Variants in PIGQ observed in about 807,000 individuals in gnomAD.
The protein encoded by PIGQ is phosphatidylinositol N-acetylglucosaminyltransferase subunit Q.
Under a neutral mutation model 60.3 loss-of-function variants are expected in PIGQ, and 54 were observed. That is an observed-to-expected ratio of 0.90 (90% CI 0.72 to 1.12). PIGQ has a LOEUF of 1.12. PIGQ is among the 50% of genes most tolerant of loss of function. PIGQ has a pLI of 0.00. For missense variants in PIGQ, 799 were observed against 793.5 expected (o/e 1.01, Z -0.08); for synonymous variants, 416 against 363.7 (o/e 1.14, Z -1.64).
At position 583,844 on chromosome 16, in the gene PIGQ, G is replaced by A; in HGVS notation, c.*809G>A. On this transcript the variant is annotated 3_prime_UTR_variant, in exon 11 of 11. Transcript: ENST00000321878. ...CAGACACCTCTGTGGCCCCCCAGGA[G>A]TGTGAGTGGCCTGGGGAGGGGGCCG... 2 of 642,024 alleles carry A rather than the reference G, an allele frequency of 3.1e-6. No individual in the cohort carries two copies. Among genetic ancestry groups the A allele is most frequent in the Non-Finnish European group, 5.6e-6 (2 of 357,892 alleles). 39.8% of individuals were successfully genotyped at this position (642,024 alleles called of 1,614,324 possible).
chr16:582,381 TA>T, intron 10 of PIGQ, 72 bp downstream of exon 10: 2 of 1,178,204 alleles, frequency 1.7e-6, no homozygotes, highest in Non-Finnish European at 2.4e-6. Context: ...CAGCTGGGTG[TA>T]GTGTCTGGGT....
At chr16:578,100 G>A (rs369882303) in intron 4 of PIGQ, 14 of 355,094 alleles carry the variant, frequency 3.9e-5, no homozygotes, top group African/African-American at 2.1e-4. Context: ...AGGGGAGGAA[G>A]ATGGTAGAGG....
chr16:583,548 A>G lies in PIGQ; in HGVS notation c.*513A>G, dbSNP rs1596389091. The G allele has an allele frequency of 1.9e-6, 3 of 1,611,584 alleles. No individual in the cohort carries two copies. The highest frequency in any genetic ancestry group is 1.7e-4 in the Middle Eastern group (1 of 6,058). ...ATCTGGGGGATTGAAGCAGTCGCTG[A>G]CCCCCGTCCCCAGCGGGCCCGGGCC... On this transcript the variant is annotated 3_prime_UTR_variant, in exon 11 of 11. Transcript: ENST00000321878.
intron 1 of PIGQ, among the ~76,000 whole-genome samples, chr16:573,304 A>G (rs761807854): frequency 5.9e-5 from 9 of 152,174 alleles, no homozygotes; most frequent in Non-Finnish European, 1.3e-4. Flanking sequence ...CGTTGGAGAA[A>G]TATATCCTGG....
chr16:578,084 A>C, intron 4 of PIGQ: 3 of 298,366 alleles, frequency 1.0e-5, no homozygotes, highest in Non-Finnish European at 1.3e-5. Flanking sequence ...TGGCCGAGGT[A>C]GTGAGAGGGG....
chr16:577,389 A>AAC (rs1187639930), intron 4 of PIGQ, among the ~76,000 whole-genome samples: 1 of 151,584 alleles, frequency 6.6e-6, no homozygotes, highest in Non-Finnish European at 1.5e-5. Context: ...CATCCTGGCT[A>AAC]ACACAGTGAA....
Position 579,058 on chromosome 16 carries a change from G to A in PIGQ, c.1224-11G>A. 2 of 1,606,026 alleles carry A rather than the reference G, an allele frequency of 1.2e-6. No homozygotes were observed. The highest frequency in any genetic ancestry group is 1.7e-6 in the Non-Finnish European group (2 of 1,174,400). On this transcript the variant is annotated splice_polypyrimidine_tract_variant and intron_variant, in intron 6 of 10. Coordinates refer to ENST00000321878, the MANE Select transcript of PIGQ (RefSeq NM_004204.5). ...GGGCGGGGCCGGGCCCGACAGCACT[G>A]CGTCCTGTAGGCTGTACTGCCTGAA... is the stretch of plus-strand genomic sequence containing the variant.
Position 574,583 on chromosome 16 carries a change from C to A in PIGQ, c.509C>A (p.Ala170Glu). Residue 170 changes from alanine to glutamate, a missense_variant, in exon 2 of 11, where the codon GCA becomes GAA. By Grantham distance (107) the Ala-to-Glu change is moderately radical (BLOSUM62 -1). Coordinates refer to ENST00000321878, the MANE Select transcript of PIGQ (RefSeq NM_004204.5). ...CTGGCTGCCGTCTTCGACACGGTAGCACGCAGTGAGGTGCTCTTCCGCAGT... is the reference window on the plus strand; with the variant it reads ...CTGGCTGCCGTCTTCGACACGGTAGAACGCAGTGAGGTGCTCTTCCGCAGT... ...GGLAAVFDTV[A>E]RSEVLFRSDR... 1 of 1,604,468 alleles carries A rather than the reference C, an allele frequency of 6.2e-7. No individual in the cohort carries two copies. The highest frequency in any genetic ancestry group is 1.1e-5 in the South Asian group (1 of 89,640).
At chr16:571,103 G>C (rs72481027) in intron 1 of PIGQ, among the ~76,000 whole-genome samples, 8 of 46,916 alleles carry the variant, frequency 1.7e-4, no homozygotes, top group South Asian at 9.5e-4. Context: ...GTGTGTGTGT[G>C]TGTGTCTGGC....
intron 1 of PIGQ, among the ~76,000 whole-genome samples, chr16:570,949 C>T (rs1028058504): frequency 2.6e-5 from 4 of 152,138 alleles, no homozygotes; most frequent in Non-Finnish European, 5.9e-5. Context: ...ATATGGTCGA[C>T]CTCCCTACCT....
At position 574,606 on chromosome 16, in the gene PIGQ, A is replaced by G; in HGVS notation, c.532A>G (p.Ser178Gly). 6.2e-7 allele frequency: 1 copy of G among 1,605,924 alleles called. No individual in the cohort carries two copies. The highest frequency in any genetic ancestry group is 8.5e-7 in the Non-Finnish European group (1 of 1,177,418). ...AGCACGCAGTGAGGTGCTCTTCCGC[A>G]GTGACCGCTTTGATGAGGGCCCCGT... ...TVARSEVLFRSDRFDEGPVRL... is the reference protein window; with the variant it reads ...TVARSEVLFRGDRFDEGPVRL... Residue 178 changes from serine (S) to glycine (G), a missense_variant, in exon 2 of 11, where the codon AGT becomes GGT. Ser to Gly is a moderately conservative substitution (Grantham distance 56, BLOSUM62 0). Transcript: ENST00000321878.
At chr16:581,458 C>G in intron 9 of PIGQ, 1 of 656,626 alleles carries the variant, frequency 1.5e-6, no homozygotes, top group Non-Finnish European at 2.0e-6. Context: ...TCAGTGGAGT[C>G]TGCAGGAGGC....
chr16:572,152 G>A (rs1041171757), intron 1 of PIGQ, among the ~76,000 whole-genome samples: 2 of 152,216 alleles, frequency 1.3e-5, no homozygotes, highest in African/African-American at 2.4e-5. Context: ...TGGTGTGAAA[G>A]GTGGGCTGTA....
intron 1 of PIGQ, among the ~76,000 whole-genome samples, chr16:571,433 CCT>C (rs1567173617): frequency 1.1e-4 from 8 of 70,920 alleles, no homozygotes; most frequent in Admixed American, 1.9e-4. Context: ...GTCTGGTTAG[CCT>C]GTGTGTGTGT....
intron 10 of PIGQ, chr16:582,585 AGTTC>A (rs1301515255): frequency 1.8e-6 from 1 of 566,520 alleles, no homozygotes; most frequent in Non-Finnish European, 3.1e-6. Flanking sequence ...ACAGGGCTCA[AGTTC>A]TGGGTGGAAC....
At position 574,464 on chromosome 16, in the gene PIGQ, C is replaced by G. The variant is rs967237274; in HGVS notation, c.390C>G (p.Phe130Leu). Residue 130 changes from phenylalanine (F) to leucine (L), a missense_variant, in exon 2 of 11, where the codon TTC becomes TTG. By Grantham distance (22) the Phe-to-Leu change is conservative. Transcript: ENST00000321878. ...APGEDQVMLI[F>L]YDQRQVLLSQ... Reference sequence around the variant, plus strand: ...GTGAGGACCAGGTCATGCTCATCTTCTATGACCAGCGCCAGGTGTTGCTGT... The same window carrying G: ...GTGAGGACCAGGTCATGCTCATCTTGTATGACCAGCGCCAGGTGTTGCTGT... 4 of 1,610,512 alleles carry G rather than the reference C, an allele frequency of 2.5e-6. No homozygotes were observed. Among genetic ancestry groups the G allele is most frequent in the Non-Finnish European group, 2.5e-6 (3 of 1,179,112 alleles).
At chr16:581,606 G>A (rs2035810240) in intron 9 of PIGQ, among the ~76,000 whole-genome samples, 1 of 151,724 alleles carries the variant, frequency 6.6e-6, no homozygotes, top group Non-Finnish European at 1.5e-5. Flanking sequence ...AGGATTACAG[G>A]TGTGTGCCAC....
intron 6 of PIGQ, 34 bp from the exon 7 acceptor site, chr16:579,035 G>GCGGGGC: frequency 6.5e-7 from 1 of 1,532,350 alleles, no homozygotes; most frequent in Non-Finnish European, 9.0e-7. Context: ...GCGGGGCGGG[G>GCGGGGC]CGGGGCCGGG....
At chr16:575,015 G>A (rs377746002) in intron 2 of PIGQ, among the ~76,000 whole-genome samples, 1 of 152,216 alleles carries the variant, frequency 6.6e-6, no homozygotes, top group African/African-American at 2.4e-5. Flanking sequence ...CCCAGAAGGT[G>A]TAGAGGGTGA....
Sources: gnomAD v4.1 joint callset for allele counts (sites outside exome capture counted in the v4.1 genomes callset) on GRCh38, gnomAD v4.1.1 for gene constraint, MANE v1.5 for transcripts, NCBI Gene and HGNC (gene_info 2026-07-23, HGNC 2026-07-21) for gene names.